The following BBX variants were observed in gnomAD, a reference collection of about 807,000 sequenced individuals.
BBX encodes HMG box transcription factor BBX.
A neutral mutation model predicts 100.2 loss-of-function variants in BBX; 30 were observed. The ratio of observed to expected loss-of-function variants is 0.30; its 90% CI spans 0.22 to 0.41. The LOEUF is 0.41. Ranked by LOEUF, BBX falls within the 10% of genes least tolerant of loss-of-function variation. The pLI is 1.00. For missense variants in BBX, 1,023 were observed against 1,129.8 expected (o/e 0.91, Z 1.35); for synonymous variants, 376 against 388.1 (o/e 0.97, Z 0.37).
At chr3:107,717,860 C>T (rs2062216159) in intron 5 of BBX, among the ~76,000 whole-genome samples, 2 of 152,176 alleles carry the variant, frequency 1.3e-5, no homozygotes, top group African/African-American at 4.8e-5. Flanking sequence ...ATTATTTCCT[C>T]AGCGTTGCAA....
intron 12 of BBX, among the ~76,000 whole-genome samples, chr3:107,777,356 T>G (rs749058597): frequency 3.3e-5 from 5 of 152,194 alleles, no homozygotes; most frequent in Non-Finnish European, 7.3e-5. Flanking sequence ...TCTCAACTCT[T>G]GTATATTCCT....
intron 3 of BBX, among the ~76,000 whole-genome samples, chr3:107,660,525 AAAG>A (rs904609041): frequency 2.7e-5 from 4 of 146,032 alleles, no homozygotes; most frequent in Non-Finnish European, 6.0e-5. Flanking sequence ...AAAAAAAAAA[AAAG>A]CATGTAGCTC....
chr3:107,613,997 G>A (rs919302557), intron 2 of BBX, among the ~76,000 whole-genome samples: 1 of 135,236 alleles, frequency 7.4e-6, no homozygotes. Flanking sequence ...CTGTCACCAG[G>A]CTGGAGTGCA....
chr3:107,659,622 A>G (rs1217698421), intron 3 of BBX: 8 of 680,572 alleles, frequency 1.2e-5, no homozygotes, highest in Non-Finnish European at 1.7e-5. Context: ...TTACGCTGCT[A>G]ATAAGTGGCA....
chr3:107,626,546 A>G (rs1183916846), intron 2 of BBX, among the ~76,000 whole-genome samples: 1 of 152,098 alleles, frequency 6.6e-6, no homozygotes. Flanking sequence ...AGCCTTGACT[A>G]GGACTGGGAG....
rs747840115 is a variant in BBX at position 107,805,513 on chromosome 3, AC to A, written c.*58del. ...TACCTACTACCCTAGCCTTGTCTTT[AC>A]CGAGGGATGCTAGTGAGTCCAAGTG... is the stretch of plus-strand genomic sequence containing the variant. On this transcript the variant is annotated 3_prime_UTR_variant, in exon 18 of 18. Transcript: ENST00000325805. 6.8e-6 allele frequency: 11 copies of A among 1,613,540 alleles called. No individual in the cohort carries two copies. Among genetic ancestry groups the A allele is most frequent in the Non-Finnish European group, 9.3e-6 (11 of 1,179,742 alleles).
chr3:107,779,202 A>C (rs2067619531), intron 13 of BBX, among the ~76,000 whole-genome samples: 2 of 151,330 alleles, frequency 1.3e-5, no homozygotes, highest in African/African-American at 4.9e-5. Flanking sequence ...CCTAAAGGGG[A>C]TTGTAAGAGG....
At chr3:107,602,125 G>A (rs1198761604) in intron 2 of BBX, among the ~76,000 whole-genome samples, 2 of 152,076 alleles carry the variant, frequency 1.3e-5, no homozygotes, top group Non-Finnish European at 2.9e-5. Context: ...CCTGCTGCTC[G>A]GAAAAAATGT....
intron 2 of BBX, among the ~76,000 whole-genome samples, chr3:107,600,717 A>G (rs2054001772): frequency 1.3e-5 from 2 of 152,154 alleles, no homozygotes; most frequent in African/African-American, 2.4e-5. Context: ...CTTCATGATC[A>G]TAGAGGATAA....
At chr3:107,760,558 T>G (rs777802212) in intron 10 of BBX, among the ~76,000 whole-genome samples, 2 of 152,098 alleles carry the variant, frequency 1.3e-5, no homozygotes, top group Non-Finnish European at 2.9e-5. Flanking sequence ...AGTTAAGGAA[T>G]AAGAAATAAA....
At chr3:107,589,696 G>C (rs2053152034) in intron 2 of BBX, among the ~76,000 whole-genome samples, 1 of 152,104 alleles carries the variant, frequency 6.6e-6, no homozygotes, top group East Asian at 1.9e-4. Flanking sequence ...CATTGTCTCT[G>C]GGAAGATACC....
rs546841118 is a variant in BBX at position 107,710,470 on chromosome 3, A to G, written c.10A>G (p.Ser4Gly). 4.0e-5 allele frequency: 65 copies of G among 1,612,882 alleles called. No homozygotes were observed. The South Asian group carries it at 6.5e-4, about 16-fold the overall frequency. MKG[S>G]NRNKDHSAEG... ...ATTACAGGTCACAGTAATGAAAGGC[A>G]GTAATAGAAATAAGGATCATTCAGC... Residue 4 changes from serine to glycine, a missense_variant, in exon 4 of 18, where the codon AGT (serine) becomes GGT (glycine). Transcript: ENST00000325805.
chr3:107,639,332 G>T (rs1356075963), intron 2 of BBX, among the ~76,000 whole-genome samples: 1 of 152,180 alleles, frequency 6.6e-6, no homozygotes, highest in African/African-American at 2.4e-5. Context: ...TCCTGAAGGT[G>T]CAGGCTGATG....
intron 2 of BBX, among the ~76,000 whole-genome samples, chr3:107,602,986 C>T (rs964720527): frequency 7.2e-5 from 11 of 151,838 alleles, no homozygotes; most frequent in South Asian, 2.1e-4. Context: ...TGTTTTGAGA[C>T]GGAGTCTCGT....
intron 7 of BBX, among the ~76,000 whole-genome samples, chr3:107,741,309 G>A (rs2064087611): frequency 6.6e-6 from 1 of 151,934 alleles, no homozygotes; most frequent in Non-Finnish European, 1.5e-5. Flanking sequence ...ATTTCACTAT[G>A]TGAATTGCTC....
chr3:107,693,234 T>C (rs2060315709), intron 3 of BBX, among the ~76,000 whole-genome samples: 1 of 151,830 alleles, frequency 6.6e-6, no homozygotes, highest in African/African-American at 2.4e-5. Flanking sequence ...TGGCTTTTGT[T>C]GCCATTGCTG....
intron 2 of BBX, among the ~76,000 whole-genome samples, chr3:107,568,454 C>T (rs1419176413): frequency 4.0e-5 from 6 of 151,880 alleles, no homozygotes; most frequent in Admixed American, 6.6e-5. Flanking sequence ...TTAGCAGAGA[C>T]GGGGTTTCAC....
intron 3 of BBX, among the ~76,000 whole-genome samples, chr3:107,696,359 T>A (rs1403022541): frequency 6.6e-6 from 1 of 151,776 alleles, no homozygotes; most frequent in Non-Finnish European, 1.5e-5. Flanking sequence ...CCATGTTTAG[T>A]GCTTCCTTCA....
chr3:107,683,192 A>G, intron 3 of BBX, among the ~76,000 whole-genome samples: 1 of 152,098 alleles, frequency 6.6e-6, no homozygotes, highest in East Asian at 1.9e-4. Flanking sequence ...ATTTAATGGA[A>G]AATATTTTTA....
Sources: allele counts gnomAD v4.1 joint callset (sites outside exome capture counted in the v4.1 genomes callset), GRCh38; gene constraint gnomAD v4.1.1; transcripts MANE v1.5; gene names NCBI Gene and HGNC (gene_info 2026-07-23, HGNC 2026-07-21).